The following RNF31 variants were observed in gnomAD, a reference collection of about 807,000 sequenced individuals.
The protein encoded by RNF31 is E3 ubiquitin-protein ligase RNF31.
A neutral mutation model predicts 133.6 loss-of-function variants in RNF31; 38 were observed. That is an observed-to-expected ratio of 0.28 (90% CI 0.22 to 0.37). RNF31 has a LOEUF of 0.37. RNF31 is among the 10% of genes least tolerant of loss of function. The pLI is 1.00. For synonymous variants in RNF31, 582 were observed against 552.3 expected (o/e 1.05, Z -0.75); for missense variants, 1,118 against 1,394.1 (o/e 0.80, Z 3.15).
At chr14:24,158,585 C>G (rs1329738882) in intron 18 of RNF31, 1 of 232,984 alleles carries the variant, frequency 4.3e-6, no homozygotes, top group Non-Finnish European at 8.5e-6. Flanking sequence ...TCACTTCTTA[C>G]AGTGTAGACA....
rs1217841836 is a variant in RNF31 at position 24,157,333 on chromosome 14, A to G, written c.2537A>G (p.Asn846Ser). 1 of 1,612,576 alleles carries G rather than the reference A, an allele frequency of 6.2e-7. No homozygotes were observed. The highest frequency in any genetic ancestry group is 1.3e-5 in the African/African-American group (1 of 74,900). Residue 846 changes from asparagine to serine, a missense_variant, in exon 15 of 21, where the codon AAC becomes AGC. Around this residue, in one of 3 missense-constraint regions of RNF31, gnomAD observed 201 missense variants for 371.7 expected, o/e 0.54. Coordinates refer to ENST00000324103, the MANE Select transcript of RNF31 (RefSeq NM_017999.5). Reference protein sequence around the residue: ...HRGRSCEDFQNWKRMNDPEYQ... With the variant: ...HRGRSCEDFQSWKRMNDPEYQ... Reference sequence around the variant, plus strand: ...GGTCGGAGCTGTGAGGACTTCCAGAACTGGAAACGCATGAACGACCCAGAA... The same window carrying G: ...GGTCGGAGCTGTGAGGACTTCCAGAGCTGGAAACGCATGAACGACCCAGAA...
intron 6 of RNF31, 123 bp downstream of exon 6, chr14:24,149,706 C>T (rs2038233706): frequency 1.0e-6 from 1 of 992,388 alleles, no homozygotes; most frequent in Non-Finnish European, 1.5e-6. Context: ...CCAGTCAGAA[C>T]CCTGAAAGAG....
Position 24,160,637 on chromosome 14 carries a change from A to G in RNF31, c.*64A>G. ...TCCCTCAGGAACAGCTCCAGCACCA[A>G]TAAAGAGGCATCTTACCACCCAGGC... On this transcript the variant is annotated 3_prime_UTR_variant, in exon 21 of 21. Transcript: ENST00000324103. This position sits in a 1 kb window ranked among gnomAD's most constrained non-coding sequence, Gnocchi z 4.0. The G allele has an allele frequency of 1.6e-6, 2 of 1,252,016 alleles. No individual in the cohort carries two copies. Among genetic ancestry groups the G allele is most frequent in the Non-Finnish European group, 2.1e-6 (2 of 941,434 alleles). 77.6% of individuals were successfully genotyped at this position (1,252,016 alleles called of 1,614,324 possible).
intron 11 of RNF31, among the ~76,000 whole-genome samples, chr14:24,154,599 A>G (rs113898916): frequency 2.0e-5 from 3 of 152,262 alleles, no homozygotes; most frequent in African/African-American, 7.2e-5. Flanking sequence ...CTTCTTATAT[A>G]GTTATAGTAC....
rs751826285 is a variant in RNF31, at chr14:24,155,205, C to T, written c.2179C>T (p.Arg727Cys). ...CECTICPDCF[R>C]QHFTIALKEK... ...GTGCACCATCTGTCCTGACTGCTTC[C>T]GCCAGCACTTCACCATCGCCTTGAA... is the stretch of plus-strand genomic sequence containing the variant. Residue 727 changes from arginine to cysteine, a missense_variant, in exon 12 of 21, where the codon CGC (arginine) becomes TGC (cysteine). Physicochemically the swap from Arg to Cys is radical, Grantham distance 180 (BLOSUM62 -3). Around this residue, in one of 3 missense-constraint regions of RNF31, gnomAD observed 201 missense variants for 371.7 expected, o/e 0.54. Coordinates refer to ENST00000324103, the MANE Select transcript of RNF31 (RefSeq NM_017999.5). This position sits in a 1 kb window ranked among gnomAD's most constrained non-coding sequence, Gnocchi z 4.9. The T allele has an allele frequency of 1.4e-5, 22 of 1,614,040 alleles. No individual in the cohort carries two copies. In the African/African-American group the frequency reaches 2.1e-4, roughly 16 times the overall value.
rs760682320 is a variant in RNF31, at chr14:24,147,714, G to A, written c.16G>A (p.Glu6Lys). The change falls in exon 1 of 21, where the codon GAG becomes AAG. Residue 6 changes from glutamate (E) to lysine (K), a missense_variant. By Grantham distance (56) the Glu-to-Lys change is moderately conservative (BLOSUM62 1). This residue lies in a region of RNF31 where 747 missense variants were observed against 827.9 expected (regional missense o/e 0.90). Coordinates refer to ENST00000324103, the MANE Select transcript of RNF31 (RefSeq NM_017999.5). The part of the protein sequence containing the change: MPGEE[E>K]ERAFLVAREE... ...CTGCCTCAGGATGCCGGGGGAGGAA[G>A]AGGAGCGGGCCTTCCTGGTGGCCCG... The A allele has an allele frequency of 7.2e-6, 11 of 1,528,756 alleles. No individual in the cohort carries two copies. In the East Asian group the frequency reaches 2.5e-4, roughly 34 times the overall value. The allele number at this position is 1,528,756 out of a possible 1,614,324, so 94.7% of individuals were successfully genotyped here. A position where few individuals can be genotyped will look rare whatever the true frequency, so the allele number is the denominator to read the frequency against.
chr14:24,157,895 C>T lies in RNF31; in HGVS notation c.2728-3C>T. Reference sequence around the variant, plus strand: ...TCCTCTCTCCCATCTGGGTTTCTGCCAGAAATGTCCAGAGCCTAACTGCAG... The same window carrying T: ...TCCTCTCTCCCATCTGGGTTTCTGCTAGAAATGTCCAGAGCCTAACTGCAG... On this transcript the variant is annotated splice_polypyrimidine_tract_variant and splice_region_variant and intron_variant, in intron 16 of 20. Coordinates refer to ENST00000324103, the MANE Select transcript of RNF31 (RefSeq NM_017999.5). 1 of 1,613,072 alleles carries T rather than the reference C, an allele frequency of 6.2e-7. No homozygotes were observed. Among genetic ancestry groups the T allele is most frequent in the Non-Finnish European group, 8.5e-7 (1 of 1,179,546 alleles).
intron 15 of RNF31, 41 bp downstream of exon 15, chr14:24,157,445 CAT>C: frequency 6.2e-7 from 1 of 1,601,950 alleles, no homozygotes; most frequent in Non-Finnish European, 8.6e-7. Context: ...AGAAGCCTGT[CAT>C]TGCCAGCAGC....
At chr14:24,159,110 C>T (rs1206053637) in intron 18 of RNF31, among the ~76,000 whole-genome samples, 1 of 149,326 alleles carries the variant, frequency 6.7e-6, no homozygotes, top group South Asian at 2.1e-4. Context: ...TTTGGGAGGC[C>T]GAGGCAGGTG....
Position 24,151,963 on chromosome 14 carries a change from G to A in RNF31, c.2101G>A (p.Val701Met). ...LRRLLAQECA[V>M]CGWALPHNRM... ...CCGCTTGCTTGCCCAGGAGTGTGCCGTGTGTGGCTGGGCCCTGCCCCACAA... is the reference window on the plus strand; with the variant it reads ...CCGCTTGCTTGCCCAGGAGTGTGCCATGTGTGGCTGGGCCCTGCCCCACAA... Residue 701 changes from valine (V) to methionine (M), a missense_variant, in exon 11 of 21, where the codon GTG becomes ATG. Val to Met is a conservative substitution (Grantham distance 21). Around this residue, in one of 3 missense-constraint regions of RNF31, gnomAD observed 201 missense variants for 371.7 expected, o/e 0.54. Transcript: ENST00000324103. This position sits in a 1 kb window ranked among gnomAD's most constrained non-coding sequence, Gnocchi z 5.3. 1.9e-6 allele frequency: 3 copies of A among 1,614,046 alleles called. No homozygotes were observed. The highest frequency in any genetic ancestry group is 8.5e-7 in the Non-Finnish European group (1 of 1,180,002).
chr14:24,149,626 C>T (rs759883736), intron 6 of RNF31, 43 bp downstream of exon 6: 32 of 1,566,580 alleles, frequency 2.0e-5, no homozygotes, highest in Non-Finnish European at 2.7e-5. Flanking sequence ...ATTTAGAGAA[C>T]TTAAGATCAC....
Position 24,160,401 on chromosome 14 carries a change from G to T in RNF31, c.3159G>T (p.Leu1053Phe). The T allele has an allele frequency of 6.2e-7, 1 of 1,614,050 alleles. No homozygotes were observed. The highest frequency in any genetic ancestry group is 8.5e-7 in the Non-Finnish European group (1 of 1,179,946). ...GEDPPAYQAR[L>F]LQKLTEEVPL... The stretch of plus-strand genomic sequence containing the variant: ...ATCCCCCTGCTTACCAGGCCCGCTT[G>T]TTACAGGTATAGCCTCCACCCAGCC... Residue 1053 changes from leucine (L) to phenylalanine (F), a missense_variant, in exon 20 of 21, where the codon TTG (leucine) becomes TTT (phenylalanine). Leu to Phe is a conservative substitution (Grantham distance 22). This residue lies in a region of RNF31 where 170 missense variants were observed against 194.5 expected (regional missense o/e 0.87). Coordinates refer to ENST00000324103, the MANE Select transcript of RNF31 (RefSeq NM_017999.5). This position sits in a 1 kb window ranked among gnomAD's most constrained non-coding sequence, Gnocchi z 4.0.
chr14:24,155,002 G>A lies in RNF31; in HGVS notation c.2131-155G>A, dbSNP rs999848445. 1.3e-5 allele frequency: 9 copies of A among 667,490 alleles called. No homozygotes were observed. Among genetic ancestry groups the A allele is most frequent in the African/African-American group, 3.6e-5 (2 of 55,270 alleles). The allele number at this position is 667,490 out of a possible 1,614,324, so 41.3% of individuals were successfully genotyped here. On this transcript the variant is annotated intron_variant, in intron 11 of 20. Coordinates refer to ENST00000324103, the MANE Select transcript of RNF31 (RefSeq NM_017999.5). This position sits in a 1 kb window ranked among gnomAD's most constrained non-coding sequence, Gnocchi z 4.9. The stretch of plus-strand genomic sequence containing the variant: ...CACCCGACTGTCTTCAGATGTTTAC[G>A]TTGCCTGCCTGGCCCCTGCTGGCAC...
At chr14:24,149,056 C>T (rs551251178) in intron 5 of RNF31, 180 bp downstream of exon 5, 24 of 642,868 alleles carry the variant, frequency 3.7e-5, no homozygotes, top group Non-Finnish European at 5.5e-5. Flanking sequence ...CTCCACCTCC[C>T]GGGTTCAAGC....
At chr14:24,147,039 GAGA>G (rs1368229357), upstream of RNF31, 4 of 229,022 alleles carry the variant, frequency 1.7e-5, no homozygotes, top group Non-Finnish European at 3.5e-5. Flanking sequence ...GCCTGGGGTG[GAGA>G]AGGACTAGCA....
At position 24,151,946 on chromosome 14, in the gene RNF31, T is replaced by A. The variant is rs749030150; in HGVS notation, c.2084T>A (p.Leu695His). 1 of 1,614,198 alleles carries A rather than the reference T, an allele frequency of 6.2e-7. No individual in the cohort carries two copies. The highest frequency in any genetic ancestry group is 8.5e-7 in the Non-Finnish European group (1 of 1,180,022). ...SQDRAFLRRL[L>H]AQECAVCGWA... ...GACCGGGCCTTCCTGCGCCGCTTGC[T>A]TGCCCAGGAGTGTGCCGTGTGTGGC... is the stretch of plus-strand genomic sequence containing the variant. The change falls in exon 11 of 21, where the codon CTT (leucine) becomes CAT (histidine). Residue 695 changes from leucine (L) to histidine (H), a missense_variant. Coordinates refer to ENST00000324103, the MANE Select transcript of RNF31 (RefSeq NM_017999.5). The surrounding 1 kb of genome is among the most constrained non-coding windows in gnomAD (Gnocchi z 5.3).
At chr14:24,149,259 G>C in intron 5 of RNF31, 147 bp from the exon 6 acceptor site, 7 of 841,826 alleles carry the variant, frequency 8.3e-6, no homozygotes, top group Middle Eastern at 3.6e-4. Flanking sequence ...CACCACGCCC[G>C]GCCTCTTTGT....
rs149326589 is a variant in RNF31, at chr14:24,153,555, C to T, written c.2130+1563C>T. On this transcript the variant is annotated intron_variant, in intron 11 of 20. Transcript: ENST00000324103. ...TCGTGCCACCGCACTCCAGCCTGGG[C>T]GACAGAATGAGATTCCGTCTCAAAA... Among the ~76,000 whole-genome samples the T allele has an allele frequency of 6.5e-3, 974 of 150,458 alleles. 4 individuals carry two copies. Among genetic ancestry groups the T allele is most frequent in the African/African-American group, 0.014 (575 of 40,816 alleles).
At chr14:24,147,060 G>A (rs2038176969), upstream of RNF31, 1 of 206,424 alleles carries the variant, frequency 4.8e-6, no homozygotes, top group Non-Finnish European at 9.9e-6. Flanking sequence ...GCAGCTCTTA[G>A]AAGAGAGCGG....
Sources: gnomAD v4.1 joint callset for allele counts (sites outside exome capture counted in the v4.1 genomes callset) on GRCh38, gnomAD v4.1.1 for gene constraint, gnomAD v4.1.1 regional missense constraint, Gnocchi (gnomAD v3.1) non-coding constraint, MANE v1.5 for transcripts, NCBI Gene and HGNC (gene_info 2026-07-23, HGNC 2026-07-21) for gene names.